SMCHD1: variants seen among roughly 807,000 people sequenced by gnomAD.
SMCHD1 encodes structural maintenance of chromosomes flexible hinge domain-containing protein 1.
Under a neutral mutation model 254.7 loss-of-function variants are expected in SMCHD1, and 78 were observed. The observed-to-expected ratio is 0.31, with a 90% CI of 0.26 to 0.37. SMCHD1 has a LOEUF of 0.37. Ranked by LOEUF, SMCHD1 falls within the 10% of genes least tolerant of loss-of-function variation. The probability of loss-of-function intolerance (pLI) is 1.00; values close to 1 mark genes in which losing one functional copy is unlikely to be tolerated. For missense variants in SMCHD1, 1,840 were observed against 2,408.1 expected, an observed-to-expected ratio of 0.76 and a Z score of 4.94; for synonymous variants, 766 against 794.9, an observed-to-expected ratio of 0.96 and a Z score of 0.61.
chr18:2,735,120 C>T (rs2075223335), intron 25 of SMCHD1, among the ~76,000 whole-genome samples: 1 of 151,464 alleles, frequency 6.6e-6, no homozygotes, highest in African/African-American at 2.4e-5. Context: ...TTTTGAGATT[C>T]AGGGTTGAAC....
At chr18:2,742,569 C>T (rs182621531) in intron 28 of SMCHD1, among the ~76,000 whole-genome samples, 134 of 152,160 alleles carry the variant, frequency 8.8e-4, no homozygotes, top group Non-Finnish European at 1.5e-3. Flanking sequence ...TTGGGCTTTT[C>T]GGAGAGATTA....
chr18:2,777,494 C>T (rs1274939327), intron 42 of SMCHD1, among the ~76,000 whole-genome samples: 1 of 139,682 alleles, frequency 7.2e-6, no homozygotes, highest in Non-Finnish European at 1.5e-5. Flanking sequence ...ACAGTTATGT[C>T]ATTCATACTG....
At chr18:2,664,401 G>A (rs1372125816) in intron 1 of SMCHD1, among the ~76,000 whole-genome samples, 1 of 150,554 alleles carries the variant, frequency 6.6e-6, no homozygotes, top group African/African-American at 2.4e-5. Flanking sequence ...TAAAGCATTT[G>A]AGCAAATTCC....
intron 5 of SMCHD1, among the ~76,000 whole-genome samples, chr18:2,677,998 T>G (rs547952842): frequency 1.3e-5 from 2 of 152,348 alleles, no homozygotes; most frequent in Admixed American, 1.3e-4. Context: ...CCAGTCTGGA[T>G]TAATACCAAC....
At position 2,738,460 on chromosome 18, in the gene SMCHD1, G is replaced by A. The variant is rs778206654; in HGVS notation, c.3340G>A (p.Val1114Ile). 103 of 1,612,070 alleles carry A rather than the reference G, an allele frequency of 6.4e-5. No homozygotes were observed. Among genetic ancestry groups the A allele is most frequent in the South Asian group, 5.0e-4 (45 of 90,856 alleles). The change falls in exon 26 of 48, where the codon GTA becomes ATA. Residue 1114 changes from valine (V) to isoleucine (I), a missense_variant. Val to Ile is a conservative substitution (Grantham distance 29, BLOSUM62 3). This residue lies in a region of SMCHD1 where 881 missense variants were observed against 1,009.5 expected (regional missense o/e 0.87). Transcript: ENST00000320876. ...LLQGLLPDVQ[V>I]PTSVKDMRYC... ...ACAGGGTCTGCTTCCTGATGTGCAA[G>A]TACCAACATCTGTAAAAGATATGCG...
intron 5 of SMCHD1, among the ~76,000 whole-genome samples, chr18:2,680,974 T>C (rs757553026): frequency 1.3e-5 from 2 of 152,140 alleles, no homozygotes; most frequent in Non-Finnish European, 2.9e-5. Context: ...TGTTAAGATA[T>C]AGGACAATAA....
intron 35 of SMCHD1, 45 bp from the exon 36 acceptor site, chr18:2,762,054 TGCTAAA>T: frequency 6.6e-7 from 1 of 1,510,694 alleles, no homozygotes; most frequent in East Asian, 2.3e-5. Context: ...TCCTCTTAAA[TGCTAAA>T]GCATCAATAT....
At chr18:2,758,138 C>T (rs2075718025) in intron 34 of SMCHD1, among the ~76,000 whole-genome samples, 1 of 152,056 alleles carries the variant, frequency 6.6e-6, no homozygotes, top group Non-Finnish European at 1.5e-5. Flanking sequence ...TTTGTCTTCT[C>T]ATTGAAAGTT....
chr18:2,713,850 C>T (rs774960027), intron 17 of SMCHD1, among the ~76,000 whole-genome samples: 7 of 152,098 alleles, frequency 4.6e-5, no homozygotes, highest in Non-Finnish European at 7.4e-5. Context: ...TGATATGATT[C>T]TGATTTTTCA....
In SMCHD1 at chr18:2,697,015, A is replaced by C; in HGVS notation, c.1041-17A>C. 9.2e-7 allele frequency: 1 copy of C among 1,081,912 alleles called. No individual in the cohort carries two copies. The highest frequency in any genetic ancestry group is 1.3e-6 in the Non-Finnish European group (1 of 759,872). The allele number at this position is 1,081,912 out of a possible 1,614,324, so 67.0% of individuals were successfully genotyped here. On this transcript the variant is annotated splice_polypyrimidine_tract_variant and intron_variant, in intron 8 of 47. Coordinates refer to ENST00000320876, the MANE Select transcript of SMCHD1 (RefSeq NM_015295.3). ...TTATGTGAATTAAAAGTATAAAATTATTCTTCTCTATTTTAGGCATATTTA... is the reference window on the plus strand; with the variant it reads ...TTATGTGAATTAAAAGTATAAAATTCTTCTTCTCTATTTTAGGCATATTTA...
At chr18:2,671,622 G>A (rs572678817) in intron 3 of SMCHD1, among the ~76,000 whole-genome samples, 257 of 136,448 alleles carry the variant, frequency 1.9e-3, no homozygotes, top group African/African-American at 6.7e-3. Context: ...TTGAGACAGA[G>A]TCTCGCTCTG....
At chr18:2,711,969 A>G (rs2074687076) in intron 17 of SMCHD1, among the ~76,000 whole-genome samples, 1 of 152,078 alleles carries the variant, frequency 6.6e-6, no homozygotes, top group Non-Finnish European at 1.5e-5. Flanking sequence ...CTCTGCATAC[A>G]CTGGCTCCCC....
chr18:2,747,528 C>G lies in SMCHD1; in HGVS notation c.3808C>G (p.Pro1270Ala). ...IDWPELKESI[P>A]VINGRDLQNP... The stretch of plus-strand genomic sequence containing the variant: ...ATATTTCTATTCTTTTCAGTCCATT[C>G]CAGTGATTAATGGAAGAGATTTACA... The change falls in exon 30 of 48, where the codon CCA becomes GCA. Residue 1270 changes from proline to alanine, a missense_variant. This residue lies in a region of SMCHD1 where 881 missense variants were observed against 1,009.5 expected (regional missense o/e 0.87). Transcript: ENST00000320876. 2 of 1,602,952 alleles carry G rather than the reference C, an allele frequency of 1.2e-6. No individual in the cohort carries two copies. The highest frequency in any genetic ancestry group is 8.5e-7 in the Non-Finnish European group (1 of 1,172,458).
chr18:2,689,331 C>G (rs2074121692), intron 7 of SMCHD1, among the ~76,000 whole-genome samples: 1 of 150,940 alleles, frequency 6.6e-6, no homozygotes, highest in Admixed American at 6.6e-5. Context: ...TATTCTCCTG[C>G]CTCAGCCTCT....
At chr18:2,780,116 G>A (rs1480115179) in intron 44 of SMCHD1, among the ~76,000 whole-genome samples, 1 of 151,626 alleles carries the variant, frequency 6.6e-6, no homozygotes, top group African/African-American at 2.4e-5. Context: ...GCAGGCACCT[G>A]TAATCCCAGG....
At chr18:2,746,924 A>G (rs1008725652) in intron 29 of SMCHD1, among the ~76,000 whole-genome samples, 9 of 152,236 alleles carry the variant, frequency 5.9e-5, no homozygotes, top group Admixed American at 3.3e-4. Flanking sequence ...CTGGGGAAAC[A>G]GCAAGAAGCA....
chr18:2,803,359 G>T lies in SMCHD1; in HGVS notation c.*807G>T, dbSNP rs143014541. ...AATTTTTTATTACTATTTTTAAGGGGTTAAAGAGAACATACATTCTCACAT... is the reference window on the plus strand; with the variant it reads ...AATTTTTTATTACTATTTTTAAGGGTTTAAAGAGAACATACATTCTCACAT... On this transcript the variant is annotated 3_prime_UTR_variant, in exon 48 of 48. Transcript: ENST00000320876. The T allele has an allele frequency of 6.6e-6, 1 of 151,536 alleles. No individual in the cohort carries two copies. The highest frequency in any genetic ancestry group is 2.4e-5 in the African/African-American group (1 of 41,424). 9.4% of individuals were successfully genotyped at this position (151,536 alleles called of 1,614,324 possible).
At chr18:2,661,496 A>G (rs1178336237) in intron 1 of SMCHD1, among the ~76,000 whole-genome samples, 3 of 151,984 alleles carry the variant, frequency 2.0e-5, no homozygotes, top group Non-Finnish European at 4.4e-5. Context: ...TGGGTTTTTA[A>G]TATGGATTAA....
intron 34 of SMCHD1, among the ~76,000 whole-genome samples, chr18:2,754,961 T>C (rs2075645955): frequency 6.6e-6 from 1 of 152,120 alleles, no homozygotes; most frequent in Non-Finnish European, 1.5e-5. Flanking sequence ...ATTTTTATTT[T>C]CTGTTGTTTT....
Sources: gnomAD v4.1 joint callset for allele counts (sites outside exome capture counted in the v4.1 genomes callset) on GRCh38, gnomAD v4.1.1 for gene constraint, gnomAD v4.1.1 regional missense constraint, MANE v1.5 for transcripts, NCBI Gene and HGNC (gene_info 2026-07-23, HGNC 2026-07-21) for gene names.